Variants in AGAP1 observed in about 807,000 individuals in gnomAD.
AGAP1 encodes the protein arf-GAP with GTPase, ANK repeat and PH domain-containing protein 1.
AGAP1 carries 29 observed loss-of-function variants against 105.3 expected under a neutral mutation model. That is an observed-to-expected ratio of 0.28 (90% CI 0.21 to 0.38). The LOEUF (loss-of-function observed/expected upper bound fraction) is 0.38, where lower values mean the gene tolerates loss of function less well. Among genes scored for constraint, AGAP1 ranks in the 10% least tolerant of loss-of-function variants. The probability of loss-of-function intolerance (pLI) is 1.00; values close to 1 mark genes in which losing one functional copy is unlikely to be tolerated. For synonymous variants in AGAP1, 509 were observed against 485.9 expected (o/e 1.05, Z -0.63); for missense variants, 998 against 1,165.1 (o/e 0.86, Z 2.09).
intron 10 of AGAP1, among the ~76,000 whole-genome samples, chr2:235,895,304 G>A (rs1435581684): frequency 1.3e-5 from 2 of 152,096 alleles, no homozygotes; most frequent in African/African-American, 4.8e-5. Flanking sequence ...TCTCCCGCTT[G>A]GTTGATGTCC....
In AGAP1 at chr2:235,990,615, A is replaced by G. The variant is rs186624991; in HGVS notation, c.1645+21992A>G. Reference sequence around the variant, plus strand: ...GGCAGGCATCACATGAGAGAGGTACATGGCTGGGCAGAAGTCTTGTTTCCT... The same window carrying G: ...GGCAGGCATCACATGAGAGAGGTACGTGGCTGGGCAGAAGTCTTGTTTCCT... On this transcript the variant is annotated intron_variant, in intron 13 of 17. Transcript: ENST00000304032. Among the ~76,000 whole-genome samples, 229 of 152,302 alleles carry G rather than the reference A, an allele frequency of 1.5e-3. 1 individual carries two copies. The highest frequency in any genetic ancestry group is 5.4e-3 in the African/African-American group (223 of 41,556).
At position 235,751,513 on chromosome 2, in the gene AGAP1, G is replaced by A. The variant is rs1008802568; in HGVS notation, c.673+1025G>A. 6.6e-6 allele frequency among the ~76,000 whole-genome samples: 1 copy of A among 152,134 alleles called. No individual in the cohort carries two copies. The highest frequency in any genetic ancestry group is 2.4e-5 in the African/African-American group (1 of 41,404). ...CCGCGCTCTGACCTTGAAGACCCAC[G>A]GTGAAAGCAGTGGCTGCAGGACTGT... is the stretch of plus-strand genomic sequence containing the variant. On this transcript the variant is annotated intron_variant, in intron 6 of 17. Transcript: ENST00000304032. The surrounding 1 kb of genome is among the most constrained non-coding windows in gnomAD (Gnocchi z 5.3).
intron 1 of AGAP1, among the ~76,000 whole-genome samples, chr2:235,685,154 C>T (rs367723088): frequency 1.7e-4 from 26 of 152,048 alleles, no homozygotes; most frequent in African/African-American, 5.3e-4. Context: ...TGGGGACTCA[C>T]GCCTTGTGAG....
At chr2:236,024,226 G>A (rs1301369736) in intron 13 of AGAP1, among the ~76,000 whole-genome samples, 1 of 151,806 alleles carries the variant, frequency 6.6e-6, no homozygotes, top group East Asian at 1.9e-4. Context: ...TAGTAGAGAT[G>A]GGGTTTCACC....
chr2:235,653,494 TAA>T (rs1947674969), intron 1 of AGAP1, among the ~76,000 whole-genome samples: 2 of 145,982 alleles, frequency 1.4e-5, no homozygotes, highest in African/African-American at 5.1e-5. Flanking sequence ...TAAAATAAAA[TAA>T]AATATAACAT....
chr2:236,070,854 C>T (rs927277496), intron 16 of AGAP1, among the ~76,000 whole-genome samples: 1 of 152,000 alleles, frequency 6.6e-6, no homozygotes, highest in Non-Finnish European at 1.5e-5. Flanking sequence ...AAAATGTCCC[C>T]AAATTGGTTG....
chr2:236,043,265 G>A (rs1443795739), intron 15 of AGAP1, among the ~76,000 whole-genome samples: 2 of 152,178 alleles, frequency 1.3e-5, no homozygotes, highest in Non-Finnish European at 2.9e-5. Context: ...GTATACTCCA[G>A]GAACTAAACC....
intron 10 of AGAP1, among the ~76,000 whole-genome samples, chr2:235,907,834 T>A (rs1166771383): frequency 6.6e-6 from 1 of 152,216 alleles, no homozygotes; most frequent in Non-Finnish European, 1.5e-5. Flanking sequence ...GTATTTTTTT[T>A]AATTGTTATA....
rs988019113 is a variant in AGAP1, at chr2:235,633,116, C to G, written c.164-76063C>G. On this transcript the variant is annotated intron_variant, in intron 1 of 17. Coordinates refer to ENST00000304032, the MANE Select transcript of AGAP1 (RefSeq NM_001037131.3). The surrounding 1 kb of genome is among the most constrained non-coding windows in gnomAD (Gnocchi z 4.8). ...TCCCTTTCTTCTCCATCATAAGGGT[C>G]ATGGCCCACATCCCTGTAACAAAAG... Among the ~76,000 whole-genome samples the G allele has an allele frequency of 1.3e-5, 2 of 152,110 alleles. No individual in the cohort carries two copies. The highest frequency in any genetic ancestry group is 4.8e-5 in the African/African-American group (2 of 41,428).
intron 12 of AGAP1, among the ~76,000 whole-genome samples, chr2:235,952,637 G>A (rs931109179): frequency 6.6e-6 from 1 of 151,992 alleles, no homozygotes; most frequent in Non-Finnish European, 1.5e-5. Context: ...ATTCTGTTTT[G>A]TTCCACTACT....
intron 1 of AGAP1, among the ~76,000 whole-genome samples, chr2:235,515,631 T>G (rs1205919226): frequency 6.6e-6 from 1 of 152,222 alleles, no homozygotes; most frequent in African/African-American, 2.4e-5. Context: ...GAAAAAAGTC[T>G]GCTTAGTGTT....
At chr2:236,015,826 T>C (rs1338420014) in intron 13 of AGAP1, among the ~76,000 whole-genome samples, 3 of 152,192 alleles carry the variant, frequency 2.0e-5, no homozygotes, top group Admixed American at 2.0e-4. Flanking sequence ...TTTTTCTTAA[T>C]GTCACTGTTT....
In AGAP1 at chr2:235,852,854, C is replaced by T. The variant is rs571462989; in HGVS notation, c.1051-30491C>T. The T allele has an allele frequency of 1.9e-5, 28 of 1,448,890 alleles. 1 individual carries two copies. In the Middle Eastern group the frequency reaches 7.2e-4, roughly 37 times the overall value. 89.8% of individuals were successfully genotyped at this position (1,448,890 alleles called of 1,614,324 possible). On this transcript the variant is annotated intron_variant, in intron 9 of 17. Coordinates refer to ENST00000304032, the MANE Select transcript of AGAP1 (RefSeq NM_001037131.3). The stretch of plus-strand genomic sequence containing the variant: ...GCTGTCCGGGGCCATGATGAATTAG[C>T]GGTGGGAGTTAACATAGAGGTGAAC...
chr2:235,743,074 G>A (rs1377923642), intron 4 of AGAP1, among the ~76,000 whole-genome samples: 1 of 152,224 alleles, frequency 6.6e-6, no homozygotes, highest in African/African-American at 2.4e-5. Flanking sequence ...GGCTGAGGCA[G>A]CAGAATCCCT....
rs7562685 is a variant in AGAP1 at position 236,050,837 on chromosome 2, C to T, written c.2114+1556C>T. ...AATTTAGAAACCATTTGGAATTATT[C>T]GAAGCAAAGATACGGGTTCATGTTT... On this transcript the variant is annotated intron_variant, in intron 16 of 17. Transcript: ENST00000304032. This position sits in a 1 kb window ranked among gnomAD's most constrained non-coding sequence, Gnocchi z 4.0. Among the ~76,000 whole-genome samples, 86 of 152,202 alleles carry T rather than the reference C, an allele frequency of 5.7e-4. No individual in the cohort carries two copies. The South Asian group carries it at 7.9e-3, about 14-fold the overall frequency.
At chr2:235,592,150 G>A (rs1945365528) in intron 1 of AGAP1, among the ~76,000 whole-genome samples, 1 of 152,368 alleles carries the variant, frequency 6.6e-6, no homozygotes, top group East Asian at 1.9e-4. Flanking sequence ...TGGCCAGGAA[G>A]ACCTGGGGAG....
intron 9 of AGAP1, among the ~76,000 whole-genome samples, chr2:235,856,573 G>T (rs1240103337): frequency 6.6e-6 from 1 of 152,222 alleles, no homozygotes; most frequent in Non-Finnish European, 1.5e-5. Context: ...CTCATCAGTC[G>T]TGAGCAGCTC....
rs145513320 is a variant in AGAP1 at position 235,689,788 on chromosome 2, C to T, written c.164-19391C>T. Reference sequence around the variant, plus strand: ...TGCACACTTGTGTGACGTGTCAGCTCGTGCCTGCAGAGACTCTGCCAGCAG... The same window carrying T: ...TGCACACTTGTGTGACGTGTCAGCTTGTGCCTGCAGAGACTCTGCCAGCAG... On this transcript the variant is annotated intron_variant, in intron 1 of 17. Coordinates refer to ENST00000304032, the MANE Select transcript of AGAP1 (RefSeq NM_001037131.3). This position sits in a 1 kb window ranked among gnomAD's most constrained non-coding sequence, Gnocchi z 4.2. Among the ~76,000 whole-genome samples the T allele has an allele frequency of 5.2e-4, 79 of 152,344 alleles. 1 individual carries two copies. Among genetic ancestry groups the T allele is most frequent in the African/African-American group, 1.8e-3 (73 of 41,590 alleles).
intron 13 of AGAP1, among the ~76,000 whole-genome samples, chr2:235,987,271 T>A (rs1256735159): frequency 6.6e-6 from 1 of 152,092 alleles, no homozygotes; most frequent in Non-Finnish European, 1.5e-5. Flanking sequence ...CTTCTAGATT[T>A]TCTAGTTTAT....
Sources: gnomAD v4.1 joint callset for allele counts (sites outside exome capture counted in the v4.1 genomes callset) on GRCh38, gnomAD v4.1.1 for gene constraint, Gnocchi (gnomAD v3.1) non-coding constraint, MANE v1.5 for transcripts, NCBI Gene and HGNC (gene_info 2026-07-23, HGNC 2026-07-21) for gene names.